Variants in MEGF6 observed in about 807,000 individuals in gnomAD.
MEGF6 encodes the protein multiple epidermal growth factor-like domains protein 6.
A neutral mutation model predicts 207.1 loss-of-function variants in MEGF6; 184 were observed. The observed-to-expected ratio is 0.89, with a 90% CI of 0.79 to 1.00. The LOEUF (loss-of-function observed/expected upper bound fraction) is 1.00, where lower values mean the gene tolerates loss of function less well. MEGF6 is among the 50% of genes least tolerant of loss of function. MEGF6 has a pLI of 0.00. For synonymous variants in MEGF6, 1,038 were observed against 910.0 expected (o/e 1.14, Z -2.53); for missense variants, 2,282 against 2,202.9 (o/e 1.04, Z -0.72).
intron 3 of MEGF6, among the ~76,000 whole-genome samples, chr1:3,581,044 A>C (rs1643785034): frequency 6.6e-6 from 1 of 152,142 alleles, no homozygotes; most frequent in African/African-American, 2.4e-5. Flanking sequence ...AAGCAGCCCC[A>C]GACCAGGGGC....
intron 3 of MEGF6, among the ~76,000 whole-genome samples, chr1:3,583,884 ACG>A (rs1643861379): frequency 6.6e-6 from 1 of 151,352 alleles, no homozygotes; most frequent in Non-Finnish European, 1.5e-5. Flanking sequence ...CCACCAGACA[ACG>A]CGCAGCCACC....
chr1:3,514,262 A>G (rs1274757867), intron 7 of MEGF6, among the ~76,000 whole-genome samples: 1 of 148,842 alleles, frequency 6.7e-6, no homozygotes, highest in African/African-American at 2.5e-5. Flanking sequence ...AAAAAAAAAA[A>G]GGAAATACAA....
intron 12 of MEGF6, 55 bp downstream of exon 12, chr1:3,509,020 T>G: frequency 6.9e-7 from 1 of 1,458,336 alleles, no homozygotes; most frequent in Non-Finnish European, 9.1e-7. Context: ...GCCCGAGGGG[T>G]CGCTGGCTGC....
At chr1:3,495,464 C>A (rs912756371) in intron 30 of MEGF6, among the ~76,000 whole-genome samples, 1 of 152,186 alleles carries the variant, frequency 6.6e-6, no homozygotes, top group Non-Finnish European at 1.5e-5. Flanking sequence ...TGACTGTGCT[C>A]TAGGCCCACT....
chr1:3,503,729 CATGT>C (rs998214577), intron 17 of MEGF6, among the ~76,000 whole-genome samples: 7 of 146,204 alleles, frequency 4.8e-5, no homozygotes, highest in Non-Finnish European at 1.0e-4. Context: ...GTGGTGTGTG[CATGT>C]ATGTGTGTAC....
chr1:3,550,744 C>T (rs1203570235), intron 4 of MEGF6, among the ~76,000 whole-genome samples: 3 of 152,236 alleles, frequency 2.0e-5, no homozygotes, highest in Non-Finnish European at 4.4e-5. Context: ...GGCAGGGCTC[C>T]GAAGACCCAG....
chr1:3,497,275 AG>A lies in MEGF6; in HGVS notation c.3438del (p.Cys1147AlafsTer127), dbSNP rs1162469010. On this transcript the variant is annotated frameshift_variant, in exon 27 of 37. Transcript: ENST00000356575. LOFTEE classifies it high-confidence loss of function. ...CCAGTGAAGCCAGGGGGACAGCGGCAGGCCCCAGTGACGTGGTGGCAGGCAG... is the reference window on the plus strand; with the variant it reads ...CCAGTGAAGCCAGGGGGACAGCGGCAGCCCCAGTGACGTGGTGGCAGGCAG... ...PGAACHHVTG[A>X]CRCPPGFTGS... 6.5e-7 allele frequency: 1 copy of A among 1,548,814 alleles called. No homozygotes were observed. Among genetic ancestry groups the A allele is most frequent in the East Asian group, 2.3e-5 (1 of 43,988 alleles).
chr1:3,599,277 C>G (rs1368095822), intron 2 of MEGF6, among the ~76,000 whole-genome samples: 2 of 152,236 alleles, frequency 1.3e-5, no homozygotes, highest in Non-Finnish European at 2.9e-5. Context: ...GCCTCCCCCC[C>G]AGAGCTCAGG....
chr1:3,494,735 G>C lies in MEGF6; in HGVS notation c.3878C>G (p.Pro1293Arg), dbSNP rs771965981. The change falls in exon 31 of 37, where the codon CCC (proline) becomes CGC (arginine). Residue 1293 changes from proline to arginine, a missense_variant. Physicochemically the swap from Pro to Arg is moderately radical, Grantham distance 103. Coordinates refer to ENST00000356575, the MANE Select transcript of MEGF6 (RefSeq NM_001409.4). ...RAGVRCERGC[P>R]QNRFGVGCEH... The stretch of plus-strand genomic sequence containing the variant: ...GCAGCCCACGCCAAACCGGTTCTGG[G>C]GGCAGCCTGGAGACAGAAGGCAGGT... The C allele has an allele frequency of 6.3e-7, 1 of 1,580,290 alleles. No individual in the cohort carries two copies. Among genetic ancestry groups the C allele is most frequent in the Non-Finnish European group, 8.6e-7 (1 of 1,162,890 alleles).
chr1:3,498,918 G>T, intron 24 of MEGF6, 92 bp from the exon 25 acceptor site: 1 of 1,497,144 alleles, frequency 6.7e-7, no homozygotes, highest in Non-Finnish European at 9.0e-7. Context: ...TGGACTTTGG[G>T]GTCAGGCACC....
intron 2 of MEGF6, among the ~76,000 whole-genome samples, chr1:3,601,803 G>A (rs1644163425): frequency 6.6e-6 from 1 of 152,258 alleles, no homozygotes; most frequent in African/African-American, 2.4e-5. Context: ...AGGTGCAGGT[G>A]TCCCGCGTGG....
Position 3,555,711 on chromosome 1 carries a change from CCAGGTCA to C in MEGF6, c.481+24107_481+24113del, listed in dbSNP as rs1358317762. Among the ~76,000 whole-genome samples, 13 of 152,268 alleles carry C rather than the reference CCAGGTCA, an allele frequency of 8.5e-5. No homozygotes were observed. In the East Asian group the frequency reaches 2.3e-3, roughly 27 times the overall value. The stretch of plus-strand genomic sequence containing the variant: ...CAGCCCGCCCTGCCCCGCAGGGCTG[CCAGGTCA>C]GGTGCCTGCTGCCGCTCATGCCAGA... On this transcript the variant is annotated intron_variant, in intron 4 of 36. Coordinates refer to ENST00000356575, the MANE Select transcript of MEGF6 (RefSeq NM_001409.4).
At chr1:3,500,070 T>A in intron 21 of MEGF6, 146 bp from the exon 22 acceptor site, 2 of 1,251,576 alleles carry the variant, frequency 1.6e-6, no homozygotes, top group Non-Finnish European at 2.1e-6. Context: ...CTGGGCTCAC[T>A]CACATGCTTC....
At position 3,497,099 on chromosome 1, in the gene MEGF6, C is replaced by A; in HGVS notation, c.3502G>T (p.Gly1168Trp). The change falls in exon 28 of 37, where the codon GGG (glycine) becomes TGG (tryptophan). Residue 1168 changes from glycine to tryptophan, a missense_variant. Physicochemically the swap from Gly to Trp is radical, Grantham distance 184. Transcript: ENST00000356575. Reference protein sequence around the residue: ...CEQACPPGSFGEDCAQMCQCP... With the variant: ...CEQACPPGSFWEDCAQMCQCP... The stretch of plus-strand genomic sequence containing the variant: ...TGGCACATCTGCGCACAGTCCTCCC[C>A]AAAGCTGCCGGGTGGGCAGGCTGGG... The A allele has an allele frequency of 6.4e-7, 1 of 1,572,522 alleles. No homozygotes were observed. The highest frequency in any genetic ancestry group is 8.6e-7 in the Non-Finnish European group (1 of 1,157,740).
chr1:3,555,123 G>A (rs1284650707), intron 4 of MEGF6, among the ~76,000 whole-genome samples: 3 of 152,220 alleles, frequency 2.0e-5, no homozygotes, highest in Non-Finnish European at 4.4e-5. Flanking sequence ...CCACGCACGG[G>A]GCCTGCTGGC....
In MEGF6 at chr1:3,536,710, C is replaced by T. The variant is rs1033132992; in HGVS notation, c.482-12464G>A. On this transcript the variant is annotated intron_variant, in intron 4 of 36. Transcript: ENST00000356575. ...AGCAGAAGGCTCTCCCAGCCCCCAG[C>T]GGCTGGCTCCAGCTTCTCCCCTCTC... 2.6e-5 allele frequency among the ~76,000 whole-genome samples: 4 copies of T among 152,332 alleles called. No homozygotes were observed. In the East Asian group the frequency reaches 7.7e-4, roughly 29 times the overall value.
intron 2 of MEGF6, among the ~76,000 whole-genome samples, chr1:3,601,777 CT>C (rs1212046303): frequency 6.6e-6 from 1 of 152,270 alleles, no homozygotes; most frequent in African/African-American, 2.4e-5. Context: ...CCAGAGCCCC[CT>C]GGAGCAGGTA....
chr1:3,566,572 G>C (rs1357722414), intron 4 of MEGF6, among the ~76,000 whole-genome samples: 1 of 152,170 alleles, frequency 6.6e-6, no homozygotes, highest in Non-Finnish European at 1.5e-5. Context: ...CTGTCTCTGG[G>C]CAGCGTCACA....
At chr1:3,546,334 C>T (rs1642704028) in intron 4 of MEGF6, among the ~76,000 whole-genome samples, 2 of 152,242 alleles carry the variant, frequency 1.3e-5, no homozygotes, top group African/African-American at 4.8e-5. Flanking sequence ...CGCTTCTAGC[C>T]CCAGGTCTTG....
Sources: allele counts gnomAD v4.1 joint callset (sites outside exome capture counted in the v4.1 genomes callset), GRCh38; gene constraint gnomAD v4.1.1; transcripts MANE v1.5; gene names NCBI Gene and HGNC (gene_info 2026-07-23, HGNC 2026-07-21).